Variants in GON4L observed in about 807,000 individuals in gnomAD.
The protein encoded by GON4L is gon-4 like.
In GON4L, 87 loss-of-function variants were observed where a neutral mutation model predicts 211.8. That is an observed-to-expected ratio of 0.41 (90% CI 0.35 to 0.49). The LOEUF (loss-of-function observed/expected upper bound fraction) is 0.49. Ranked by LOEUF, GON4L falls within the 20% of genes least tolerant of loss-of-function variation. The pLI, the probability that GON4L is intolerant of heterozygous loss-of-function variation, is 0.15. For synonymous variants in GON4L, 875 were observed against 962.6 expected (o/e 0.91, Z 1.68); for missense variants, 2,155 against 2,659.5 (o/e 0.81, Z 4.17).
intron 31 of GON4L, 142 bp from the exon 32 acceptor site, chr1:155,750,875 TGCCTCAGCCTTCAGAGTA>T: frequency 2.7e-6 from 2 of 738,398 alleles, no homozygotes; most frequent in South Asian, 3.4e-5. Flanking sequence ...GCAATTCTCC[TGCCTCAGCCTTCAGAGTA>T]GCTGGGATTA....
intron 3 of GON4L, 40 bp from the exon 4 acceptor site, chr1:155,822,516 G>A: frequency 6.7e-7 from 1 of 1,492,332 alleles, no homozygotes; most frequent in Non-Finnish European, 9.3e-7. Flanking sequence ...TTCCAAAATA[G>A]CTGCTCCAGG....
At chr1:155,753,944 A>AC (rs1660876595) in intron 28 of GON4L, 1 of 264,188 alleles carries the variant, frequency 3.8e-6, no homozygotes, top group Admixed American at 4.9e-5. Flanking sequence ...ATCATGGCTC[A>AC]CTGCAACCTC....
chr1:155,797,678 T>A (rs1168782355), intron 11 of GON4L, among the ~76,000 whole-genome samples: 1 of 134,380 alleles, frequency 7.4e-6, no homozygotes, highest in African/African-American at 2.9e-5. Context: ...ACCCCCCCCC[T>A]CCCGTCTCTA....
chr1:155,777,569 A>G, intron 15 of GON4L, 53 bp downstream of exon 15: 42 of 1,222,238 alleles, frequency 3.4e-5, no homozygotes, highest in Non-Finnish European at 4.6e-5. Flanking sequence ...ACAGAGCCAG[A>G]CTCTGTCTCA....
intron 12 of GON4L, among the ~76,000 whole-genome samples, chr1:155,789,085 G>GAA (rs10634121): frequency 0.02 from 2,262 of 111,292 alleles, 67 homozygotes; most frequent in African/African-American, 0.07. Flanking sequence ...CTCCGTCTCG[G>GAA]AAAAAAAAAA....
At chr1:155,755,977 TAAA>T (rs34653577) in intron 27 of GON4L, among the ~76,000 whole-genome samples, 2 of 125,610 alleles carry the variant, frequency 1.6e-5, no homozygotes, top group Non-Finnish European at 1.8e-5. Context: ...AAACACGAAT[TAAA>T]AAAAAAAAAA....
At chr1:155,832,629 ACT>A (rs1254802931) in intron 2 of GON4L, among the ~76,000 whole-genome samples, 1 of 152,214 alleles carries the variant, frequency 6.6e-6, no homozygotes, top group African/African-American at 2.4e-5. Flanking sequence ...ACAGAGCGAG[ACT>A]CTGTCTCAAA....
intron 2 of GON4L, among the ~76,000 whole-genome samples, chr1:155,834,277 A>G (rs1424841786): frequency 6.6e-6 from 1 of 152,144 alleles, no homozygotes; most frequent in East Asian, 1.9e-4. Flanking sequence ...TACATTTTAA[A>G]GTACCTTGTT....
chr1:155,805,202 C>A (rs1489291349), intron 10 of GON4L, 61 bp from the exon 11 acceptor site: 2 of 1,082,598 alleles, frequency 1.8e-6, no homozygotes, highest in Non-Finnish European at 2.9e-6. Context: ...CATCATCACT[C>A]CTTTTCTTCT....
At chr1:155,858,258 T>A (rs1672430379), upstream of GON4L, among the ~76,000 whole-genome samples, 1 of 152,092 alleles carries the variant, frequency 6.6e-6, no homozygotes, top group Non-Finnish European at 1.5e-5. Context: ...CCACGGAGAT[T>A]AAAAAAATAA....
chr1:155,805,055 G>A lies in GON4L; in HGVS notation c.1539C>T (p.Leu513=). The change falls in exon 11 of 32, where the codon CTC becomes CTT. Residue 513 remains leucine (L), a synonymous_variant. Transcript: ENST00000368331. ...DVPLGQLEAE[L]QAPDITPDMY... The stretch of plus-strand genomic sequence containing the variant: ...TATCTGGAGTGATGTCTGGAGCTTG[G>A]AGCTCTGCCTCTAATTGGCCCAGGG... 1 of 1,613,338 alleles carries A rather than the reference G, an allele frequency of 6.2e-7. No individual in the cohort carries two copies. Among genetic ancestry groups the A allele is most frequent in the Non-Finnish European group, 8.5e-7 (1 of 1,179,404 alleles).
intron 11 of GON4L, among the ~76,000 whole-genome samples, chr1:155,795,585 G>A (rs1665984472): frequency 6.6e-6 from 1 of 152,058 alleles, no homozygotes; most frequent in Admixed American, 6.6e-5. Context: ...AACTCTGTGA[G>A]TGCAAACATG....
At chr1:155,750,844 A>G (rs1186726187) in intron 31 of GON4L, 111 bp from the exon 32 acceptor site, 9 of 1,014,254 alleles carry the variant, frequency 8.9e-6, no homozygotes, top group Non-Finnish European at 1.3e-5. Flanking sequence ...GCTTACTGCA[A>G]CCTCCGTCTC....
chr1:155,826,737 A>T, intron 3 of GON4L, 100 bp downstream of exon 3: 1 of 806,868 alleles, frequency 1.2e-6, no homozygotes, highest in Non-Finnish European at 2.1e-6. Flanking sequence ...AATTTGTAAA[A>T]ATATAGTGAA....
intron 2 of GON4L, among the ~76,000 whole-genome samples, chr1:155,841,381 GCA>G (rs1484351911): frequency 6.6e-6 from 1 of 152,162 alleles, no homozygotes; most frequent in Non-Finnish European, 1.5e-5. Context: ...TCAAGGACAG[GCA>G]CACAGATACC....
In GON4L at chr1:155,765,641, A is replaced by G; in HGVS notation, c.3832T>C (p.Cys1278Arg). ...SPGPPLADAE[C>R]QEGLSENSAC... The stretch of plus-strand genomic sequence containing the variant: ...CTATTCTCTGACAATCCTTCTTGGC[A>G]CTCTGCATCTGCTAGTGGAGGCCCT... The change falls in exon 21 of 32, where the codon TGC becomes CGC. Residue 1278 changes from cysteine to arginine, a missense_variant. Transcript: ENST00000368331. 4 of 1,613,878 alleles carry G rather than the reference A, an allele frequency of 2.5e-6. No homozygotes were observed. Among genetic ancestry groups the G allele is most frequent in the Non-Finnish European group, 3.4e-6 (4 of 1,179,928 alleles).
intron 12 of GON4L, among the ~76,000 whole-genome samples, chr1:155,791,491 GAAA>G (rs77118374): frequency 7.8e-6 from 1 of 128,190 alleles, no homozygotes. Flanking sequence ...TTTGCATAGG[GAAA>G]AAAAAAAAAA....
chr1:155,747,536 G>A (rs1156551129), downstream of GON4L: 1 of 1,613,976 alleles, frequency 6.2e-7, no homozygotes, highest in Non-Finnish European at 8.5e-7. Context: ...AGAGATGTAA[G>A]TCTTGGATCG....
chr1:155,846,079 C>A, intron 2 of GON4L: 1 of 225,940 alleles, frequency 4.4e-6, no homozygotes, highest in South Asian at 8.1e-5. Flanking sequence ...TGCTGCCAGT[C>A]ATTAGCCTAT....
Sources: allele counts gnomAD v4.1 joint callset (sites outside exome capture counted in the v4.1 genomes callset), GRCh38; gene constraint gnomAD v4.1.1; transcripts MANE v1.5; gene names NCBI Gene and HGNC (gene_info 2026-07-23, HGNC 2026-07-21).